The following GRIK3 variants were observed in gnomAD, a reference collection of about 807,000 sequenced individuals.
GRIK3 encodes the protein glutamate ionotropic receptor kainate type subunit 3, also known as glutamate receptor ionotropic, kainate 3.
Under a neutral mutation model 102.5 loss-of-function variants are expected in GRIK3, and 29 were observed. That is an observed-to-expected ratio of 0.28 (90% CI 0.21 to 0.39). GRIK3 has a LOEUF of 0.39. Ranked by LOEUF, GRIK3 falls within the 10% of genes least tolerant of loss-of-function variation. The pLI, the probability that GRIK3 is intolerant of heterozygous loss-of-function variation, is 1.00. For synonymous variants in GRIK3, 511 were observed against 504.9 expected (o/e 1.01, Z -0.16); for missense variants, 908 against 1,252.4 (o/e 0.73, Z 4.15).
At chr1:36,884,707 T>A (rs1477234757) in intron 2 of GRIK3, among the ~76,000 whole-genome samples, 1 of 152,222 alleles carries the variant, frequency 6.6e-6, no homozygotes, top group Non-Finnish European at 1.5e-5. Context: ...CACTATATTA[T>A]CTGTCTATTC....
chr1:36,816,505 T>C (rs890058359), intron 13 of GRIK3, among the ~76,000 whole-genome samples: 1 of 152,180 alleles, frequency 6.6e-6, no homozygotes, highest in Non-Finnish European at 1.5e-5. Context: ...CAGATACCCA[T>C]TAGAGCAGTC....
chr1:36,851,029 C>G (rs990389015), intron 8 of GRIK3, among the ~76,000 whole-genome samples: 1 of 152,214 alleles, frequency 6.6e-6, no homozygotes, highest in Non-Finnish European at 1.5e-5. Context: ...GTTTAGAAAT[C>G]ATCCTAAAGC....
chr1:37,010,291 T>C (rs1430148920), intron 1 of GRIK3, among the ~76,000 whole-genome samples: 1 of 152,222 alleles, frequency 6.6e-6, no homozygotes, highest in South Asian at 2.1e-4. Flanking sequence ...GTTGTAAATA[T>C]GTTAAGAGCC....
chr1:36,795,916 G>A lies in GRIK3; in HGVS notation c.*5935C>T, dbSNP rs1046725462. On this transcript the variant is annotated 3_prime_UTR_variant, in exon 16 of 16. Transcript: ENST00000373091. ...CTCAGCCCAGAGCCTGGGAACTGAG[G>A]CCCCTACCATGGGAGGCCCAACCAG... The A allele has an allele frequency of 6.6e-6, 1 of 152,344 alleles. No individual in the cohort carries two copies. The allele number at this position is 152,344 out of a possible 1,614,324, so 9.4% of individuals were successfully genotyped here.
chr1:36,895,858 G>GA (rs57531807), intron 1 of GRIK3, among the ~76,000 whole-genome samples: 5,064 of 151,698 alleles, frequency 0.033, 224 homozygotes, highest in East Asian at 0.12. Flanking sequence ...CAAAGATCAA[G>GA]AAAAAAATCC....
At chr1:37,002,746 T>C (rs1429624597) in intron 1 of GRIK3, among the ~76,000 whole-genome samples, 2 of 151,342 alleles carry the variant, frequency 1.3e-5, no homozygotes, top group Admixed American at 1.3e-4. Flanking sequence ...GGACACAATC[T>C]TGGCTCACTG....
intron 1 of GRIK3, among the ~76,000 whole-genome samples, chr1:36,903,055 G>T (rs560964139): frequency 4.4e-4 from 67 of 152,270 alleles, no homozygotes; most frequent in African/African-American, 1.5e-3. Flanking sequence ...CTCCCAAAGT[G>T]CTGGGATTAC....
chr1:36,944,254 A>G (rs1307970102), intron 1 of GRIK3, among the ~76,000 whole-genome samples: 1 of 152,228 alleles, frequency 6.6e-6, no homozygotes, highest in Non-Finnish European at 1.5e-5. Flanking sequence ...CTCTGCTAGT[A>G]AAGAAATAGC....
chr1:36,964,397 T>C (rs1463119129), intron 1 of GRIK3, among the ~76,000 whole-genome samples: 2 of 152,134 alleles, frequency 1.3e-5, no homozygotes, highest in Non-Finnish European at 2.9e-5. Flanking sequence ...GCTCCATGAC[T>C]CAGGGGTGGC....
intron 1 of GRIK3, among the ~76,000 whole-genome samples, chr1:36,964,368 G>A (rs1299614692): frequency 6.6e-6 from 1 of 152,190 alleles, no homozygotes; most frequent in Non-Finnish European, 1.5e-5. Flanking sequence ...TCCCCAAGGG[G>A]AGGAAATCAG....
At chr1:36,912,629 T>C (rs1254284471) in intron 1 of GRIK3, among the ~76,000 whole-genome samples, 1 of 152,126 alleles carries the variant, frequency 6.6e-6, no homozygotes, top group East Asian at 1.9e-4. Context: ...GAGCTCCCTA[T>C]GCGTCCTCCT....
intron 3 of GRIK3, among the ~76,000 whole-genome samples, chr1:36,878,133 A>G (rs1272393490): frequency 1.3e-5 from 2 of 152,212 alleles, no homozygotes; most frequent in African/African-American, 4.8e-5. Flanking sequence ...ACTGTACCAG[A>G]CCCTGTGTTA....
intron 2 of GRIK3, among the ~76,000 whole-genome samples, chr1:36,886,104 C>T (rs781271456): frequency 5.9e-5 from 9 of 152,270 alleles, no homozygotes; most frequent in Non-Finnish European, 1.2e-4. Context: ...CTGCCTCTGG[C>T]GCTGCCTGGA....
chr1:36,805,936 C>CAAAAAAAAAAAAAAAAAAAA (rs749853809), intron 14 of GRIK3, among the ~76,000 whole-genome samples, 168 bp downstream of exon 14: 31 of 31,580 alleles, frequency 9.8e-4, no homozygotes, highest in Non-Finnish European at 1.2e-3. Context: ...AACTCCACCT[C>CAAAAAAAAAAAAAAAAAAAA]AAAAAAAAAA....
rs546331238 is a variant in GRIK3 at position 36,997,455 on chromosome 1, A to G, written c.115+36539T>C. 9.8e-4 allele frequency among the ~76,000 whole-genome samples: 150 copies of G among 152,358 alleles called. 1 individual carries two copies. The highest frequency in any genetic ancestry group is 3.3e-3 in the African/African-American group (139 of 41,580). On this transcript the variant is annotated intron_variant, in intron 1 of 15. Coordinates refer to ENST00000373091, the MANE Select transcript of GRIK3 (RefSeq NM_000831.4). ...GTTAAATCAAGAAATATAATTCCAG[A>G]GCTCAATGACAAACACAGAGAGAGG... is the stretch of plus-strand genomic sequence containing the variant.
intron 1 of GRIK3, among the ~76,000 whole-genome samples, chr1:36,976,309 G>A (rs966718833): frequency 2.8e-4 from 43 of 152,112 alleles, no homozygotes; most frequent in African/African-American, 9.7e-4. Context: ...AAGACAGGAG[G>A]TCCTACAGGG....
At chr1:36,873,667 A>G (rs1010428484) in intron 3 of GRIK3, among the ~76,000 whole-genome samples, 2 of 151,518 alleles carry the variant, frequency 1.3e-5, no homozygotes, top group East Asian at 1.9e-4. Flanking sequence ...TGGCACTTCA[A>G]TTTTCCTTTG....
Position 36,966,545 on chromosome 1 carries a change from G to A in GRIK3, c.115+67449C>T, listed in dbSNP as rs192596120. 2.3e-3 allele frequency among the ~76,000 whole-genome samples: 351 copies of A among 152,182 alleles called. 2 individuals carry two copies. Among genetic ancestry groups the A allele is most frequent in the African/African-American group, 8.1e-3 (337 of 41,514 alleles). ...TTGACTTCCCACAGTTGAAGTTAGC[G>A]GGGGAGTGAAGGTGAGAAAAATTTC... On this transcript the variant is annotated intron_variant, in intron 1 of 15. Coordinates refer to ENST00000373091, the MANE Select transcript of GRIK3 (RefSeq NM_000831.4).
chr1:37,014,014 C>G (rs770563989), intron 1 of GRIK3, among the ~76,000 whole-genome samples: 1 of 152,206 alleles, frequency 6.6e-6, no homozygotes, highest in African/African-American at 2.4e-5. Context: ...ACCTCAAGGC[C>G]TCATACGCTC....
Sources: gnomAD v4.1 joint callset for allele counts (sites outside exome capture counted in the v4.1 genomes callset) on GRCh38, gnomAD v4.1.1 for gene constraint, MANE v1.5 for transcripts, NCBI Gene and HGNC (gene_info 2026-07-23, HGNC 2026-07-21) for gene names.